The following JMJD1C variants were observed in gnomAD, a reference collection of about 807,000 sequenced individuals.
JMJD1C encodes jumonji domain containing 1C.
JMJD1C carries 31 observed loss-of-function variants against 245.3 expected under a neutral mutation model. That is an observed-to-expected ratio of 0.13 (90% CI 0.09 to 0.17). The LOEUF is 0.17. JMJD1C is among the 10% of genes least tolerant of loss of function. The pLI, the probability that JMJD1C is intolerant of heterozygous loss-of-function variation, is 1.00. For synonymous variants in JMJD1C, 1,057 were observed against 1,017.4 expected (o/e 1.04, Z -0.74); for missense variants, 2,691 against 3,000.2 (o/e 0.90, Z 2.41).
At chr10:63,338,139 A>C (rs1276302240) in intron 2 of JMJD1C, among the ~76,000 whole-genome samples, 1 of 152,168 alleles carries the variant, frequency 6.6e-6, no homozygotes, top group African/African-American at 2.4e-5. Flanking sequence ...AAATCTGAAT[A>C]TCATCAGTTT....
intron 1 of JMJD1C, among the ~76,000 whole-genome samples, chr10:63,417,027 G>A (rs1353728058): frequency 2.0e-5 from 3 of 152,164 alleles, no homozygotes; most frequent in Non-Finnish European, 4.4e-5. Context: ...ATTACTAGGT[G>A]ACTGAGTTTA....
chr10:63,335,881 G>C (rs999363392), intron 2 of JMJD1C, among the ~76,000 whole-genome samples: 2 of 151,642 alleles, frequency 1.3e-5, no homozygotes, highest in Admixed American at 1.3e-4. Context: ...AGCACTTTGG[G>C]AGGCCAACAC....
chr10:63,180,451 T>C (rs1843335466), intron 22 of JMJD1C, among the ~76,000 whole-genome samples: 1 of 152,186 alleles, frequency 6.6e-6, no homozygotes, highest in South Asian at 2.1e-4. Context: ...TTGTGGTAAG[T>C]GCAATCACAT....
intron 2 of JMJD1C, among the ~76,000 whole-genome samples, chr10:63,280,376 G>A (rs1297611565): frequency 2.0e-5 from 3 of 151,512 alleles, no homozygotes; most frequent in Non-Finnish European, 4.4e-5. Context: ...GGTGAAACCC[G>A]GTCTCTACTA....
In JMJD1C at chr10:63,167,996, G is replaced by C; in HGVS notation, c.*49C>G. On this transcript the variant is annotated 3_prime_UTR_variant, in exon 26 of 26. Transcript: ENST00000399262. ...GTGTGCATACATATCATCATTCAAG[G>C]TTAAGTAATCCCAGTTCAACAACCT... is the stretch of plus-strand genomic sequence containing the variant. 1 of 1,067,460 alleles carries C rather than the reference G, an allele frequency of 9.4e-7. No individual in the cohort carries two copies. Among genetic ancestry groups the C allele is most frequent in the South Asian group, 1.3e-5 (1 of 79,924 alleles). The allele number at this position is 1,067,460 out of a possible 1,614,324, so 66.1% of individuals were successfully genotyped here.
At chr10:63,224,772 C>A (rs1332241577) in intron 3 of JMJD1C, among the ~76,000 whole-genome samples, 1 of 151,832 alleles carries the variant, frequency 6.6e-6, no homozygotes, top group Non-Finnish European at 1.5e-5. Flanking sequence ...GATTAAAAAT[C>A]CACTTAATGG....
At chr10:63,204,028 T>A (rs564839304) in intron 10 of JMJD1C, 55 of 964,998 alleles carry the variant, frequency 5.7e-5, no homozygotes, top group Non-Finnish European at 6.5e-5. Flanking sequence ...GGCAGGAGGA[T>A]TGCCTGAGCC....
At chr10:63,433,319 C>T (rs1271345819) in intron 1 of JMJD1C, among the ~76,000 whole-genome samples, 2 of 152,174 alleles carry the variant, frequency 1.3e-5, no homozygotes, top group Non-Finnish European at 2.9e-5. Context: ...TGGTCTCGAA[C>T]TCCTAACCTC....
intron 2 of JMJD1C, among the ~76,000 whole-genome samples, chr10:63,361,805 C>T (rs12355784): frequency 6.7e-6 from 1 of 150,026 alleles, no homozygotes; most frequent in Admixed American, 6.7e-5. Flanking sequence ...AAAGCAAAGT[C>T]CAAAATTATA....
Position 63,303,980 on chromosome 10 carries a change from T to G in JMJD1C, c.334-39216A>C, listed in dbSNP as rs796321556. Among the ~76,000 whole-genome samples the G allele has an allele frequency of 1.2e-4, 18 of 152,286 alleles. 1 individual carries two copies. Among genetic ancestry groups the G allele is most frequent in the African/African-American group, 4.3e-4 (18 of 41,566 alleles). Reference sequence around the variant, plus strand: ...AGTAAGGATATCCCTGAGAAGCCAGTGTCTGTTATGGAACTGATGTTAGAA... The same window carrying G: ...AGTAAGGATATCCCTGAGAAGCCAGGGTCTGTTATGGAACTGATGTTAGAA... On this transcript the variant is annotated intron_variant, in intron 2 of 25. Transcript: ENST00000399262.
At chr10:63,318,168 A>C (rs1940336760) in intron 2 of JMJD1C, among the ~76,000 whole-genome samples, 1 of 152,056 alleles carries the variant, frequency 6.6e-6, no homozygotes, top group Admixed American at 6.6e-5. Context: ...CAACACGCCC[A>C]GCTAATTTTT....
chr10:63,204,387 T>C (rs886384762), intron 10 of JMJD1C: 2 of 984,748 alleles, frequency 2.0e-6, no homozygotes, highest in Non-Finnish European at 2.4e-6. Context: ...ATATGTATAT[T>C]CGTCTCAAGA....
In JMJD1C at chr10:63,208,478, A is replaced by G; in HGVS notation, c.3191T>C (p.Ile1064Thr). The change falls in exon 10 of 26, where the codon ATC (isoleucine) becomes ACC (threonine). Residue 1064 changes from isoleucine (I) to threonine (T), a missense_variant. Transcript: ENST00000399262. ...SSSSSPKSHI[I>T]KQDMDVERSV... ...GCGTTCTACATCCATATCTTGTTTG[A>G]TGATATGGCTTTTAGGACTGGAAGA... 6.2e-7 allele frequency: 1 copy of G among 1,613,986 alleles called. No homozygotes were observed. Among genetic ancestry groups the G allele is most frequent in the South Asian group, 1.1e-5 (1 of 91,064 alleles).
chr10:63,402,252 A>T (rs1368100636), intron 1 of JMJD1C, among the ~76,000 whole-genome samples: 1 of 152,218 alleles, frequency 6.6e-6, no homozygotes, highest in East Asian at 1.9e-4. Context: ...ACAAATCATC[A>T]GAGAAATAAA....
In JMJD1C at chr10:63,214,791, T is replaced by A; in HGVS notation, c.1376A>T (p.Asp459Val). 1 of 1,613,752 alleles carries A rather than the reference T, an allele frequency of 6.2e-7. No homozygotes were observed. Among genetic ancestry groups the A allele is most frequent in the Non-Finnish European group, 8.5e-7 (1 of 1,179,794 alleles). Reference sequence around the variant, plus strand: ...CTGTTCTGACGAATGAATAATCATATCTTCTTGAAGCTGAGTGTCAACAGA... The same window carrying A: ...CTGTTCTGACGAATGAATAATCATAACTTCTTGAAGCTGAGTGTCAACAGA... ...RKSVDTQLQE[D>V]MIIHSSEQST... is the part of the protein sequence containing the mutation. Residue 459 changes from aspartate to valine, a missense_variant, in exon 8 of 26, where the codon GAT (aspartate) becomes GTT (valine). Physicochemically the swap from Asp to Val is radical, Grantham distance 152. Coordinates refer to ENST00000399262, the MANE Select transcript of JMJD1C (RefSeq NM_032776.3).
chr10:63,376,996 T>C (rs911239970), intron 2 of JMJD1C, among the ~76,000 whole-genome samples: 1 of 152,206 alleles, frequency 6.6e-6, no homozygotes, highest in African/African-American at 2.4e-5. Flanking sequence ...TATTATTCCC[T>C]ATAGCCAAAA....
chr10:63,323,667 G>C (rs1269949384), intron 2 of JMJD1C, among the ~76,000 whole-genome samples: 1 of 152,182 alleles, frequency 6.6e-6, no homozygotes, highest in East Asian at 1.9e-4. Context: ...GGCATACTTA[G>C]ATGTGATATA....
chr10:63,450,700 C>CA (rs945558208), intron 1 of JMJD1C, among the ~76,000 whole-genome samples: 3 of 151,960 alleles, frequency 2.0e-5, no homozygotes, highest in Admixed American at 2.0e-4. Context: ...ATGAACATTC[C>CA]ACAGCTAACA....
intron 3 of JMJD1C, among the ~76,000 whole-genome samples, chr10:63,241,814 T>C (rs915356677): frequency 6.6e-6 from 1 of 152,242 alleles, no homozygotes; most frequent in South Asian, 2.1e-4. Context: ...AATTTTTGTT[T>C]TGTTTTGTTC....
Sources: allele counts gnomAD v4.1 joint callset (sites outside exome capture counted in the v4.1 genomes callset), GRCh38; gene constraint gnomAD v4.1.1; transcripts MANE v1.5; gene names NCBI Gene and HGNC (gene_info 2026-07-23, HGNC 2026-07-21).